Variants in OTOA observed in about 807,000 individuals in gnomAD.
OTOA encodes cancer/testis antigen 108.
In OTOA, 70 loss-of-function variants were observed where a neutral mutation model predicts 110.8. The ratio of observed to expected loss-of-function variants is 0.63; its 90% CI spans 0.52 to 0.77. The LOEUF (loss-of-function observed/expected upper bound fraction) is 0.77, where lower values mean the gene tolerates loss of function less well. Ranked by LOEUF, OTOA falls within the 30% of genes least tolerant of loss-of-function variation. The probability of loss-of-function intolerance (pLI) is 0.00; values close to 1 mark genes in which losing one functional copy is unlikely to be tolerated. For synonymous variants in OTOA, 373 were observed against 431.5 expected (o/e 0.86, Z 1.68); for missense variants, 917 against 1,075.8 (o/e 0.85, Z 2.06).
intron 17 of OTOA, among the ~76,000 whole-genome samples, chr16:21,719,904 AAGG>A (rs1898676746): frequency 6.6e-6 from 1 of 152,052 alleles, no homozygotes; most frequent in Non-Finnish European, 1.5e-5. Context: ...CATTTTCTAA[AAGG>A]TTATGGAGGC....
At position 21,716,918 on chromosome 16, in the gene OTOA, G is replaced by A. The variant is rs199908646; in HGVS notation, c.1500G>A (p.Ala500=). Residue 500 remains alanine, a synonymous_variant, in exon 15 of 29, where the codon GCG becomes GCA. Transcript: ENST00000646100. ...CTCGCTTCTGGCAGATGGTCCAAGCGGAAGACACTGCCCCAGGCATCGTGG... is the reference window on the plus strand; with the variant it reads ...CTCGCTTCTGGCAGATGGTCCAAGCAGAAGACACTGCCCCAGGCATCGTGG... ...QQGILSKMVQ[A]EDTAPGIVEI... 1.5e-5 allele frequency: 25 copies of A among 1,613,778 alleles called. 1 individual carries two copies. The highest frequency in any genetic ancestry group is 3.3e-4 in the Middle Eastern group (2 of 6,078).
intron 6 of OTOA, among the ~76,000 whole-genome samples, chr16:21,684,101 A>G (rs914445264): frequency 6.6e-6 from 1 of 151,800 alleles, no homozygotes; most frequent in East Asian, 1.9e-4. Context: ...AGTATGTCCT[A>G]TGCAACATTT....
At chr16:21,707,716 TTC>T (rs1898230675) in intron 12 of OTOA, among the ~76,000 whole-genome samples, 1 of 146,890 alleles carries the variant, frequency 6.8e-6, no homozygotes. Context: ...CCTTTCTTTC[TTC>T]TCTTTCTCAC....
intron 1 of OTOA, among the ~76,000 whole-genome samples, chr16:21,675,059 T>TTCCG (rs1825604891): frequency 1.5e-5 from 2 of 131,306 alleles, no homozygotes; most frequent in African/African-American, 3.0e-5. Flanking sequence ...CATGTTTTCT[T>TTCCG]TCTGTCTTTC....
chr16:21,683,085 C>T (rs1966925735), intron 6 of OTOA, among the ~76,000 whole-genome samples: 2 of 152,204 alleles, frequency 1.3e-5, no homozygotes, highest in Admixed American at 6.5e-5. Flanking sequence ...TTAATATCTA[C>T]TGAGTTAACA....
At chr16:21,750,373 G>A (rs1237961953) in intron 24 of OTOA, among the ~76,000 whole-genome samples, 12 of 122,296 alleles carry the variant, frequency 9.8e-5, no homozygotes, top group Non-Finnish European at 1.4e-4. Flanking sequence ...AGATCATGCC[G>A]CTGCACTCCA....
At chr16:21,734,878 T>A (rs563499530) in intron 21 of OTOA, among the ~76,000 whole-genome samples, 52 of 149,644 alleles carry the variant, frequency 3.5e-4, no homozygotes, top group Non-Finnish European at 2.2e-4. Context: ...GTGGCTCACA[T>A]CTGTAATCCC....
At chr16:21,698,982 G>C (rs944196835) in intron 10 of OTOA, among the ~76,000 whole-genome samples, 1 of 152,198 alleles carries the variant, frequency 6.6e-6, no homozygotes, top group South Asian at 2.1e-4. Context: ...ATGGAGTCTC[G>C]TTCTGTCGTC....
chr16:21,727,747 C>T (rs1415337935), intron 19 of OTOA, among the ~76,000 whole-genome samples: 3 of 152,078 alleles, frequency 2.0e-5, no homozygotes, highest in Non-Finnish European at 4.4e-5. Context: ...CAGGGTTTTC[C>T]AGATTTCTGA....
intron 11 of OTOA, 192 bp downstream of exon 11, chr16:21,701,219 G>A: frequency 3.7e-6 from 3 of 804,378 alleles, no homozygotes; most frequent in Non-Finnish European, 6.0e-6. Flanking sequence ...ATGAAGCTGG[G>A]TGAAAGGATA....
chr16:21,672,135 T>TA lies in OTOA; in HGVS notation c.-4-6375dup, dbSNP rs1966850056. Among the ~76,000 whole-genome samples, 5 of 152,216 alleles carry TA rather than the reference T, an allele frequency of 3.3e-5. No homozygotes were observed. The South Asian group carries it at 6.2e-4, about 19-fold the overall frequency. ...TAGAATCTAGATATTCTAGATAACT[T>TA]AGAGTTTCACAGAAATGGAATCATA... is the stretch of plus-strand genomic sequence containing the variant. On this transcript the variant is annotated intron_variant, in intron 1 of 28. Transcript: ENST00000646100.
At chr16:21,718,561 T>C (rs546836225) in intron 15 of OTOA, among the ~76,000 whole-genome samples, 1 of 152,330 alleles carries the variant, frequency 6.6e-6, no homozygotes, top group African/African-American at 2.4e-5. Flanking sequence ...GTCTATAAAA[T>C]AGACAAATGT....
intron 5 of OTOA, among the ~76,000 whole-genome samples, chr16:21,679,596 G>T (rs546404275): frequency 5.3e-5 from 8 of 152,104 alleles, no homozygotes; most frequent in African/African-American, 1.7e-4. Context: ...GTAGAGATGG[G>T]TTTTCACCAT....
Position 21,685,269 on chromosome 16 carries a change from C to G in OTOA, c.307C>G (p.Pro103Ala). The G allele has an allele frequency of 6.2e-7, 1 of 1,613,178 alleles. No homozygotes were observed. Among genetic ancestry groups the G allele is most frequent in the Non-Finnish European group, 8.5e-7 (1 of 1,179,404 alleles). ...ENHLEQRLHQ[P>A]QKLLEDLRKT... is the part of the protein sequence containing the mutation. ...CCACCTGGAGCAGCGTCTGCACCAG[C>G]CCCAGAAGCTGCTGGAGGACCTGAG... Residue 103 changes from proline (P) to alanine (A), a missense_variant, in exon 7 of 29, where the codon CCC (proline) becomes GCC (alanine). Pro to Ala is a conservative substitution (Grantham distance 27). Transcript: ENST00000646100.
At chr16:21,689,531 A>C (rs1229456258) in intron 8 of OTOA, among the ~76,000 whole-genome samples, 1 of 152,148 alleles carries the variant, frequency 6.6e-6, no homozygotes, top group African/African-American at 2.4e-5. Context: ...GGCTTGAAGC[A>C]AAAAGGGAAT....
intron 9 of OTOA, among the ~76,000 whole-genome samples, chr16:21,693,809 C>A (rs1897880601): frequency 6.6e-6 from 1 of 152,124 alleles, no homozygotes; most frequent in South Asian, 2.1e-4. Flanking sequence ...CTCCTGACCT[C>A]AACAGATCCA....
chr16:21,716,415 C>T (rs909711526), intron 14 of OTOA, among the ~76,000 whole-genome samples: 6 of 151,860 alleles, frequency 4.0e-5, no homozygotes, highest in Admixed American at 2.6e-4. Context: ...ACTAAAAATA[C>T]GAAAAATTAG....
chr16:21,689,100 A>C (rs746931468), intron 8 of OTOA, among the ~76,000 whole-genome samples: 11 of 152,052 alleles, frequency 7.2e-5, no homozygotes, highest in Non-Finnish European at 1.0e-4. Flanking sequence ...TGTGTCTAGG[A>C]CTTGAAGGGC....
intron 19 of OTOA, 29 bp from the exon 20 acceptor site, chr16:21,728,212 T>TTG: frequency 6.2e-7 from 1 of 1,613,766 alleles, no homozygotes; most frequent in Middle Eastern, 1.6e-4. Flanking sequence ...CTGTTGGAAC[T>TTG]GCCCATTGGC....
Sources: allele counts gnomAD v4.1 joint callset (sites outside exome capture counted in the v4.1 genomes callset), GRCh38; gene constraint gnomAD v4.1.1; transcripts MANE v1.5; gene names NCBI Gene and HGNC (gene_info 2026-07-23, HGNC 2026-07-21).